The following AGPAT4 variants were observed in gnomAD, a reference collection of about 807,000 sequenced individuals.
AGPAT4 encodes 1-acylglycerol-3-phosphate O-acyltransferase 4, also known as 1-acyl-sn-glycerol-3-phosphate acyltransferase delta.
In AGPAT4, 15 loss-of-function variants were observed where a neutral mutation model predicts 48.0. That is an observed-to-expected ratio of 0.31 (90% confidence interval 0.21 to 0.48). AGPAT4 has a LOEUF of 0.48. AGPAT4 is among the 20% of genes least tolerant of loss of function. AGPAT4 has a pLI of 0.99. For missense variants in AGPAT4, 314 were observed against 482.5 expected (o/e 0.65, Z 3.27); for synonymous variants, 178 against 198.7 (o/e 0.90, Z 0.88).
chr6:161,146,536 G>C lies in AGPAT4; in HGVS notation c.831C>G (p.Leu277=), dbSNP rs1313905863. ...CCAGTGCACTGACCTTCTCCTGGTA[G>C]AGCTTGTGCAGCCAGGCCGAGCACT... ...DDECSAWLHK[L]YQEKDAFQEE... is the part of the protein sequence containing the mutation. Residue 277 remains leucine (L), a synonymous_variant, in exon 7 of 9, where the codon CTC becomes CTG. Coordinates refer to ENST00000320285, the MANE Select transcript of AGPAT4 (RefSeq NM_020133.3). The surrounding 1 kb of genome is among the most constrained non-coding windows in gnomAD (Gnocchi z 7.1). 6.2e-7 allele frequency: 1 copy of C among 1,613,884 alleles called. No individual in the cohort carries two copies. The highest frequency in any genetic ancestry group is 1.1e-5 in the South Asian group (1 of 91,078).
chr6:161,257,385 GAC>G (rs1168765458), intron 1 of AGPAT4, among the ~76,000 whole-genome samples: 1 of 152,122 alleles, frequency 6.6e-6, no homozygotes, highest in Non-Finnish European at 1.5e-5. Context: ...CCAAATTACA[GAC>G]ACAGAAACTG....
Position 161,243,337 on chromosome 6 carries a change from C to T in AGPAT4, c.-89-11035G>A, listed in dbSNP as rs1008704226. Among the ~76,000 whole-genome samples the T allele has an allele frequency of 1.3e-5, 2 of 152,000 alleles. No individual in the cohort carries two copies. Among genetic ancestry groups the T allele is most frequent in the Non-Finnish European group, 1.5e-5 (1 of 67,996 alleles). On this transcript the variant is annotated intron_variant, in intron 1 of 8. Transcript: ENST00000320285. This position sits in a 1 kb window ranked among gnomAD's most constrained non-coding sequence, Gnocchi z 4.8. ...GCGTGAGGTGGCTGGCATCCCCAGC[C>T]GGCACTAAAAACAAAAAGAGAGAGC...
At chr6:161,263,421 G>A (rs1190072774) in intron 1 of AGPAT4, among the ~76,000 whole-genome samples, 1 of 152,086 alleles carries the variant, frequency 6.6e-6, no homozygotes, top group Non-Finnish European at 1.5e-5. Flanking sequence ...AATCCGGGAG[G>A]CAGAAGTTGC....
intron 1 of AGPAT4, among the ~76,000 whole-genome samples, chr6:161,265,813 T>C (rs1032022976): frequency 1.3e-5 from 2 of 152,180 alleles, no homozygotes; most frequent in African/African-American, 4.8e-5. Context: ...GGTGCCAGCA[T>C]GACCCCCACG....
chr6:161,178,635 T>C lies in AGPAT4; in HGVS notation c.179-12218A>G, dbSNP rs1583305937. Reference sequence around the variant, plus strand: ...TCACACTCGCGTGGGCTGCACCCACTGTCCGACAAGCCCCAGTGAGATGAA... The same window carrying C: ...TCACACTCGCGTGGGCTGCACCCACCGTCCGACAAGCCCCAGTGAGATGAA... On this transcript the variant is annotated intron_variant, in intron 2 of 8. Transcript: ENST00000320285. This position sits in a 1 kb window ranked among gnomAD's most constrained non-coding sequence, Gnocchi z 5.1. Among the ~76,000 whole-genome samples the C allele has an allele frequency of 6.6e-6, 1 of 152,146 alleles. No homozygotes were observed. Among genetic ancestry groups the C allele is most frequent in the Admixed American group, 6.5e-5 (1 of 15,274 alleles).
chr6:161,203,275 C>T (rs1276567802), intron 2 of AGPAT4, among the ~76,000 whole-genome samples: 1 of 152,066 alleles, frequency 6.6e-6, no homozygotes, highest in Non-Finnish European at 1.5e-5. Flanking sequence ...AAGCCAGCAC[C>T]CAGCATAATG....
chr6:161,190,427 A>G (rs1047661752), intron 2 of AGPAT4, among the ~76,000 whole-genome samples: 6 of 152,176 alleles, frequency 3.9e-5, no homozygotes, highest in African/African-American at 1.4e-4. Context: ...AGGCAGAGTG[A>G]TTTGATCCTT....
Position 161,236,906 on chromosome 6 carries a change from AAAAT to A in AGPAT4, c.-89-4608_-89-4605del, listed in dbSNP as rs1240321133. Among the ~76,000 whole-genome samples the A allele has an allele frequency of 1.3e-5, 2 of 152,186 alleles. No homozygotes were observed. The highest frequency in any genetic ancestry group is 4.8e-5 in the African/African-American group (2 of 41,446). Reference sequence around the variant, plus strand: ...GACAGAGTGAGACTCCATCTCAAACAAAATAAATAAATAAAAGGCAGGGGGAGGC... The same window carrying A: ...GACAGAGTGAGACTCCATCTCAAACAAAATAAATAAAAGGCAGGGGGAGGC... On this transcript the variant is annotated intron_variant, in intron 1 of 8. Transcript: ENST00000320285. This position sits in a 1 kb window ranked among gnomAD's most constrained non-coding sequence, Gnocchi z 5.0.
rs918338008 is a variant in AGPAT4, at chr6:161,148,191, C to T, written c.767+996G>A. Among the ~76,000 whole-genome samples, 43 of 152,206 alleles carry T rather than the reference C, an allele frequency of 2.8e-4. No individual in the cohort carries two copies. Among genetic ancestry groups the T allele is most frequent in the African/African-American group, 9.7e-4 (40 of 41,442 alleles). Reference sequence around the variant, plus strand: ...TAGGAGAAGGTCTAAAGGTCTCCTTCGGGCAGGTGGGTGATTCTCCTGCCT... The same window carrying T: ...TAGGAGAAGGTCTAAAGGTCTCCTTTGGGCAGGTGGGTGATTCTCCTGCCT... On this transcript the variant is annotated intron_variant, in intron 6 of 8. Transcript: ENST00000320285. The surrounding 1 kb of genome is among the most constrained non-coding windows in gnomAD (Gnocchi z 5.5).
In AGPAT4 at chr6:161,204,959, C is replaced by T. The variant is rs1464106843; in HGVS notation, c.178+27077G>A. On this transcript the variant is annotated intron_variant, in intron 2 of 8. Transcript: ENST00000320285. The surrounding 1 kb of genome is among the most constrained non-coding windows in gnomAD (Gnocchi z 4.4). ...ACAATAAACCGGGTATGAACAACGA[C>T]ATGACGCTGTTGATGAAAAGACACT... Among the ~76,000 whole-genome samples, 1 of 152,172 alleles carries T rather than the reference C, an allele frequency of 6.6e-6. No individual in the cohort carries two copies. Among genetic ancestry groups the T allele is most frequent in the East Asian group, 1.9e-4 (1 of 5,178 alleles).
In AGPAT4 at chr6:161,178,943, C is replaced by T. The variant is rs1780506434; in HGVS notation, c.179-12526G>A. The stretch of plus-strand genomic sequence containing the variant: ...TTGCTGCTGCCTGTTCTACAAACCC[C>T]ACCTGGAAATCTCACAGAGCTGGTG... On this transcript the variant is annotated intron_variant, in intron 2 of 8. Transcript: ENST00000320285. This position sits in a 1 kb window ranked among gnomAD's most constrained non-coding sequence, Gnocchi z 5.1. Among the ~76,000 whole-genome samples, 1 of 152,216 alleles carries T rather than the reference C, an allele frequency of 6.6e-6. No homozygotes were observed. Among genetic ancestry groups the T allele is most frequent in the Non-Finnish European group, 1.5e-5 (1 of 68,032 alleles).
At position 161,244,597 on chromosome 6, in the gene AGPAT4, A is replaced by G. The variant is rs1782599493; in HGVS notation, c.-89-12295T>C. 6.6e-6 allele frequency among the ~76,000 whole-genome samples: 1 copy of G among 152,178 alleles called. No individual in the cohort carries two copies. The highest frequency in any genetic ancestry group is 2.4e-5 in the African/African-American group (1 of 41,432). On this transcript the variant is annotated intron_variant, in intron 1 of 8. Transcript: ENST00000320285. This position sits in a 1 kb window ranked among gnomAD's most constrained non-coding sequence, Gnocchi z 4.7. ...TATGGCTAAACAAACTCACATTTTGATGCTGTGTGAGCAGACAGGCCAGGA... is the reference window on the plus strand; with the variant it reads ...TATGGCTAAACAAACTCACATTTTGGTGCTGTGTGAGCAGACAGGCCAGGA...
chr6:161,152,618 A>G (rs1263566850), intron 5 of AGPAT4, among the ~76,000 whole-genome samples: 1 of 152,134 alleles, frequency 6.6e-6, no homozygotes, highest in African/African-American at 2.4e-5. Flanking sequence ...AGAGGAGACA[A>G]GAGGATAAGG....
At position 161,138,569 on chromosome 6, in the gene AGPAT4, T is replaced by C. The variant is rs368330895; in HGVS notation, c.1042+853A>G. ...ATGGGAATGGTCTCCTGACACACTT[T>C]CCATTTTCTGCGCTTGTCTATTGCT... is the stretch of plus-strand genomic sequence containing the variant. On this transcript the variant is annotated intron_variant, in intron 8 of 8. Coordinates refer to ENST00000320285, the MANE Select transcript of AGPAT4 (RefSeq NM_020133.3). This position sits in a 1 kb window ranked among gnomAD's most constrained non-coding sequence, Gnocchi z 4.8. Among the ~76,000 whole-genome samples, 68 of 152,312 alleles carry C rather than the reference T, an allele frequency of 4.5e-4. No homozygotes were observed. Among genetic ancestry groups the C allele is most frequent in the African/African-American group, 1.5e-3 (63 of 41,566 alleles).
At position 161,262,024 on chromosome 6, in the gene AGPAT4, A is replaced by G. The variant is rs1015716374; in HGVS notation, c.-90+11914T>C. ...AGGGCTGGTGGTGAGGATTATCCGT[A>G]GACCTTTGCCTGGTACATCATCTTA... is the stretch of plus-strand genomic sequence containing the variant. On this transcript the variant is annotated intron_variant, in intron 1 of 8. Transcript: ENST00000320285. This position sits in a 1 kb window ranked among gnomAD's most constrained non-coding sequence, Gnocchi z 4.9. 2.0e-5 allele frequency among the ~76,000 whole-genome samples: 3 copies of G among 152,174 alleles called. No homozygotes were observed. Among genetic ancestry groups the G allele is most frequent in the African/African-American group, 7.2e-5 (3 of 41,440 alleles).
intron 2 of AGPAT4, among the ~76,000 whole-genome samples, chr6:161,185,283 CTTTTTTTTTTT>C (rs35820706): frequency 1.8e-5 from 2 of 109,286 alleles, no homozygotes; most frequent in Non-Finnish European, 3.7e-5. Context: ...TTTAAGATGT[CTTTTTTTTTTT>C]TTTTTTTTTT....
At position 161,244,127 on chromosome 6, in the gene AGPAT4, G is replaced by A. The variant is rs1461547664; in HGVS notation, c.-89-11825C>T. ...AGACCAAGACCCTCATCACTTTGGT[G>A]CTCTCTGAATGTACCTGTGTTTTCC... On this transcript the variant is annotated intron_variant, in intron 1 of 8. Transcript: ENST00000320285. This position sits in a 1 kb window ranked among gnomAD's most constrained non-coding sequence, Gnocchi z 4.7. Among the ~76,000 whole-genome samples, 1 of 152,234 alleles carries A rather than the reference G, an allele frequency of 6.6e-6. No homozygotes were observed. Among genetic ancestry groups the A allele is most frequent in the Non-Finnish European group, 1.5e-5 (1 of 68,048 alleles).
intron 2 of AGPAT4, among the ~76,000 whole-genome samples, chr6:161,176,083 C>A (rs188379724): frequency 1.5e-3 from 229 of 152,266 alleles, no homozygotes; most frequent in African/African-American, 5.2e-3. Context: ...GGAATAAGTG[C>A]AATGTGGTGC....
rs760167882 is a variant in AGPAT4 at position 161,226,176 on chromosome 6, C to T, written c.178+5860G>A. On this transcript the variant is annotated intron_variant, in intron 2 of 8. Coordinates refer to ENST00000320285, the MANE Select transcript of AGPAT4 (RefSeq NM_020133.3). The surrounding 1 kb of genome is among the most constrained non-coding windows in gnomAD (Gnocchi z 6.3). ...GGTCCTGCCCAACTCCACATTTTGA[C>T]AGGCTCAAAGGCAGTGATATGAAGG... Among the ~76,000 whole-genome samples the T allele has an allele frequency of 1.3e-5, 2 of 152,164 alleles. No individual in the cohort carries two copies. The highest frequency in any genetic ancestry group is 2.9e-5 in the Non-Finnish European group (2 of 68,032).
Sources: gnomAD v4.1 joint callset for allele counts (sites outside exome capture counted in the v4.1 genomes callset) on GRCh38, gnomAD v4.1.1 for gene constraint, Gnocchi (gnomAD v3.1) non-coding constraint, MANE v1.5 for transcripts, NCBI Gene and HGNC (gene_info 2026-07-23, HGNC 2026-07-21) for gene names.